RNF14: variants seen among roughly 807,000 people sequenced by gnomAD.
RNF14 encodes E3 ubiquitin-protein ligase RNF14.
Under a neutral mutation model 52.6 loss-of-function variants are expected in RNF14, and 26 were observed. The observed-to-expected ratio is 0.49, with a 90% CI of 0.36 to 0.69. The LOEUF is 0.69. Ranked by LOEUF, RNF14 falls within the 30% of genes least tolerant of loss-of-function variation. The probability of loss-of-function intolerance (pLI) is 0.00; values close to 1 mark genes in which losing one functional copy is unlikely to be tolerated. For synonymous variants in RNF14, 194 were observed against 202.0 expected, an observed-to-expected ratio of 0.96 and a Z score of 0.34; for missense variants, 404 against 560.4, an observed-to-expected ratio of 0.72 and a Z score of 2.82.
At chr5:141,960,212 C>T (rs1406652207) in intron 1 of RNF14, among the ~76,000 whole-genome samples, 1 of 152,180 alleles carries the variant, frequency 6.6e-6, no homozygotes, top group African/African-American at 2.4e-5. Context: ...GCCCCGCAAT[C>T]GTCCCCCTGT....
upstream of RNF14, among the ~76,000 whole-genome samples, chr5:141,962,635 A>T (rs1341596960): frequency 1.3e-5 from 2 of 152,232 alleles, no homozygotes; most frequent in Non-Finnish European, 2.9e-5. Flanking sequence ...GCTGTGAAGG[A>T]GGTAGAATGA....
chr5:141,957,298 A>G (rs1230885454), upstream of RNF14: 4 of 1,613,388 alleles, frequency 2.5e-6, no homozygotes, highest in Admixed American at 5.0e-5. This position sits in a 1 kb window ranked among gnomAD's most constrained non-coding sequence, Gnocchi z 4.3. Context: ...AGGGCCCACA[A>G]TGACATCCAA....
intron 2 of RNF14, among the ~76,000 whole-genome samples, chr5:141,972,838 G>A (rs928197401): frequency 1.6e-4 from 25 of 152,120 alleles, no homozygotes; most frequent in Admixed American, 5.2e-4. Context: ...TGATTTGCCC[G>A]CCTCGGCCTA....
upstream of RNF14, among the ~76,000 whole-genome samples, chr5:141,963,925 A>G (rs781212509): frequency 6.6e-6 from 1 of 152,172 alleles, no homozygotes; most frequent in Non-Finnish European, 1.5e-5. Flanking sequence ...CCACACACTG[A>G]TTTATGATGG....
intron 4 of RNF14, among the ~76,000 whole-genome samples, chr5:141,976,766 CTT>C: frequency 1.4e-5 from 2 of 148,126 alleles, no homozygotes; most frequent in African/African-American, 2.5e-5. Flanking sequence ...TTCCAGCTGC[CTT>C]TCTCTCTCTT....
chr5:141,962,098 T>C (rs573571656), upstream of RNF14, among the ~76,000 whole-genome samples: 15 of 152,322 alleles, frequency 9.8e-5, no homozygotes, highest in Admixed American at 2.0e-4. Context: ...GTTAGATTCC[T>C]AGTCAGACCA....
At chr5:141,965,202 A>T (rs1753314897), upstream of RNF14, among the ~76,000 whole-genome samples, 1 of 152,112 alleles carries the variant, frequency 6.6e-6, no homozygotes, top group Admixed American at 6.5e-5. Context: ...CCCCCCTGGG[A>T]TGGTGGGATG....
At chr5:141,951,443 G>C in the RNF14 span, 46 of 1,370,684 alleles carry the variant, frequency 3.4e-5, no homozygotes, top group African/African-American at 5.4e-4. Flanking sequence ...AGTGATGAGG[G>C]GCGGCCAGTA....
chr5:141,987,947 G>A lies in RNF14; in HGVS notation c.*157G>A. On this transcript the variant is annotated 3_prime_UTR_variant, in exon 9 of 9. Coordinates refer to ENST00000394520, the MANE Select transcript of RNF14 (RefSeq NM_004290.5). ...GTTTATATTTTCATGTGGTACTACT[G>A]AAGAAGGTGCATTGATACATTTTTA... 1 of 654,016 alleles carries A rather than the reference G, an allele frequency of 1.5e-6. No homozygotes were observed. The highest frequency in any genetic ancestry group is 2.7e-6 in the Non-Finnish European group (1 of 377,260). The allele number at this position is 654,016 out of a possible 1,614,324, so 40.5% of individuals were successfully genotyped here. A position where few individuals can be genotyped will look rare whatever the true frequency, so the allele number is the denominator to read the frequency against.
At chr5:141,955,937 G>A (rs370147049), upstream of RNF14, 42 of 1,614,060 alleles carry the variant, frequency 2.6e-5, no homozygotes, top group South Asian at 2.2e-4. This position sits in a 1 kb window ranked among gnomAD's most constrained non-coding sequence, Gnocchi z 5.5. Flanking sequence ...TTTCCACTGC[G>A]GATGCTGTAG....
chr5:141,956,938 A>G (rs1359537506), upstream of RNF14: 1 of 1,614,150 alleles, frequency 6.2e-7, no homozygotes, highest in East Asian at 2.2e-5. Context: ...TCGACGCAGA[A>G]TGACCTGGCC....
At chr5:141,973,490 G>A (rs761332419) in intron 2 of RNF14, 93 bp from the exon 3 acceptor site, 186 of 1,017,900 alleles carry the variant, frequency 1.8e-4, no homozygotes, top group Non-Finnish European at 2.2e-4. Flanking sequence ...CGCCCGCCTC[G>A]GCCTCCCAAA....
chr5:141,973,775 A>G, intron 3 of RNF14, 33 bp downstream of exon 3: 2 of 1,531,510 alleles, frequency 1.3e-6, no homozygotes, highest in Non-Finnish European at 1.8e-6. Flanking sequence ...AGATTTTTCT[A>G]TTATTCTTTA....
chr5:141,949,617 A>T, the RNF14 span: 2 of 1,603,744 alleles, frequency 1.2e-6, no homozygotes, highest in South Asian at 2.2e-5. Flanking sequence ...ATGGGTAGGG[A>T]CATTCCCATA....
intron 5 of RNF14, among the ~76,000 whole-genome samples, chr5:141,979,772 C>T (rs429336): frequency 0.86 from 130,534 of 152,028 alleles, 56,153 homozygotes; most frequent in East Asian, 0.98. Context: ...GTGCCTGTTG[C>T]CCTAGCTACT....
At chr5:141,953,963 G>A (rs1753132419), upstream of RNF14, among the ~76,000 whole-genome samples, 1 of 152,252 alleles carries the variant, frequency 6.6e-6, no homozygotes, top group Non-Finnish European at 1.5e-5. Flanking sequence ...AGATATGGGT[G>A]TGAGATCAGG....
chr5:141,966,056 G>A (rs183907579), upstream of RNF14, among the ~76,000 whole-genome samples: 1 of 151,674 alleles, frequency 6.6e-6, no homozygotes, highest in Admixed American at 6.6e-5. Flanking sequence ...CAAAGCGGGT[G>A]GATCACTTGA....
intron 6 of RNF14, among the ~76,000 whole-genome samples, chr5:141,980,932 T>C (rs1754715165): frequency 6.6e-6 from 1 of 152,220 alleles, no homozygotes. Flanking sequence ...GGCCTCAGAA[T>C]CTTCCTCAAC....
At chr5:141,961,444 C>G (rs146081077) in intron 1 of RNF14, among the ~76,000 whole-genome samples, 458 of 152,246 alleles carry the variant, frequency 3.0e-3, no homozygotes, top group African/African-American at 0.011. Context: ...ATTTTCTCTC[C>G]TCCTTCTGGC....
Sources: gnomAD v4.1 joint callset for allele counts (sites outside exome capture counted in the v4.1 genomes callset) on GRCh38, gnomAD v4.1.1 for gene constraint, Gnocchi (gnomAD v3.1) non-coding constraint, MANE v1.5 for transcripts, NCBI Gene and HGNC (gene_info 2026-07-23, HGNC 2026-07-21) for gene names.